The following ZNF721 variants were observed in gnomAD, a reference collection of about 807,000 sequenced individuals.
The protein encoded by ZNF721 is zinc finger protein 721.
A neutral mutation model predicts 2.4 loss-of-function variants in ZNF721; 2 were observed. That is an observed-to-expected ratio of 0.82 (90% confidence interval 0.34 to 2.58). The LOEUF is 2.58. Among genes scored for constraint, ZNF721 ranks in the 30% most tolerant of loss-of-function variants. The probability of loss-of-function intolerance (pLI) is 0.11; values close to 1 mark genes in which losing one functional copy is unlikely to be tolerated. For synonymous variants in ZNF721, 398 were observed against 381.8 expected (o/e 1.04, Z -0.50); for missense variants, 1,187 against 1,085.5 (o/e 1.09, Z -1.31).
chr4:452,058 T>A (rs981568085), intron 2 of ZNF721, among the ~76,000 whole-genome samples: 1 of 152,256 alleles, frequency 6.6e-6, no homozygotes, highest in African/African-American at 2.4e-5. Flanking sequence ...TAGGGACTGG[T>A]TGCTACACGA....
At position 472,592 on chromosome 4, in the gene ZNF721, C is replaced by A. The variant is rs781933321; in HGVS notation, c.17G>T (p.Arg6Ile). 1 of 1,613,552 alleles carries A rather than the reference C, an allele frequency of 6.2e-7. No homozygotes were observed. The highest frequency in any genetic ancestry group is 8.5e-7 in the Non-Finnish European group (1 of 1,179,914). MLENY[R>I]NLVSLAMCSH... ...ATCCTCACCTAGGGAGACCAGGTTT[C>A]TGTAGTTCTCCAACATCACATCTCT... is the stretch of plus-strand genomic sequence containing the variant. Residue 6 changes from arginine (R) to isoleucine (I), a missense_variant, in exon 2 of 3, where the codon AGA becomes ATA. Physicochemically the swap from Arg to Ile is moderately conservative, Grantham distance 97. Transcript: ENST00000511833.
At chr4:474,833 G>A (rs1553868395) in intron 1 of ZNF721, among the ~76,000 whole-genome samples, 2 of 152,048 alleles carry the variant, frequency 1.3e-5, no homozygotes, top group South Asian at 2.1e-4. Context: ...CTGAGATCGC[G>A]CCACTGCACT....
chr4:479,213 C>A (rs183096138), intron 1 of ZNF721, among the ~76,000 whole-genome samples: 1 of 152,150 alleles, frequency 6.6e-6, no homozygotes, highest in Non-Finnish European at 1.5e-5. Flanking sequence ...CACACAGTCA[C>A]GAATGTGTTT....
At chr4:446,965 C>T (rs1412191205) in intron 2 of ZNF721, among the ~76,000 whole-genome samples, 4 of 152,178 alleles carry the variant, frequency 2.6e-5, no homozygotes, top group Non-Finnish European at 4.4e-5. Context: ...GGATTACACA[C>T]GTGAGTCACC....
At chr4:463,456 C>T (rs1035893718) in intron 2 of ZNF721, among the ~76,000 whole-genome samples, 8 of 152,220 alleles carry the variant, frequency 5.3e-5, no homozygotes, top group Middle Eastern at 3.4e-3. Flanking sequence ...CACATGAACA[C>T]GTATTTTTAT....
chr4:441,951 C>T lies in ZNF721; in HGVS notation c.2516G>A (p.Cys839Tyr). 6.2e-7 allele frequency: 1 copy of T among 1,614,104 alleles called. No individual in the cohort carries two copies. ...RIHTGEKPYT[C>Y]EECGKAFRQS... ...TCTAAAGGCTTTGCCACATTCTTCACATGTGTAGGGTTTCTCTCCAGTATG... is the reference window on the plus strand; with the variant it reads ...TCTAAAGGCTTTGCCACATTCTTCATATGTGTAGGGTTTCTCTCCAGTATG... Residue 839 changes from cysteine (C) to tyrosine (Y), a missense_variant, in exon 3 of 3, where the codon TGT becomes TAT. By Grantham distance (194) the Cys-to-Tyr change is radical. Transcript: ENST00000511833.
At chr4:473,184 G>A (rs1715493249) in intron 1 of ZNF721, among the ~76,000 whole-genome samples, 1 of 152,074 alleles carries the variant, frequency 6.6e-6, no homozygotes, top group African/African-American at 2.4e-5. Flanking sequence ...GCTTCAATGC[G>A]CATATCAATT....
In ZNF721 at chr4:440,520, A is replaced by G. The variant is rs781828678; in HGVS notation, c.*1175T>C. The G allele has an allele frequency of 2.0e-5, 3 of 152,210 alleles. No individual in the cohort carries two copies. Among genetic ancestry groups the G allele is most frequent in the Non-Finnish European group, 2.9e-5 (2 of 68,030 alleles). The allele number at this position is 152,210 out of a possible 1,614,324, so 9.4% of individuals were successfully genotyped here. A position where few individuals can be genotyped will look rare whatever the true frequency, so the allele number is the denominator to read the frequency against. On this transcript the variant is annotated 3_prime_UTR_variant, in exon 3 of 3. Coordinates refer to ENST00000511833, the MANE Select transcript of ZNF721 (RefSeq NM_133474.4). Reference sequence around the variant, plus strand: ...TTTGTTATACTTAATACTCTGATTTATTTTAAAGTCTGAAGTGTTAGTTCC... The same window carrying G: ...TTTGTTATACTTAATACTCTGATTTGTTTTAAAGTCTGAAGTGTTAGTTCC...
At chr4:486,554 C>T (rs1236703534) in intron 1 of ZNF721, among the ~76,000 whole-genome samples, 2 of 152,132 alleles carry the variant, frequency 1.3e-5, no homozygotes, top group African/African-American at 4.8e-5. Flanking sequence ...TCAAAGCATA[C>T]TCTGCTGGTC....
Position 444,328 on chromosome 4 carries a change from A to G in ZNF721, c.139T>C (p.Leu47=). ...RRYEKCGHDN[L]QLRKGCKSMN... is the part of the protein sequence containing the mutation. The stretch of plus-strand genomic sequence containing the variant: ...CTTTTACAGCCTTTCCTTAATTGTA[A>G]ATTATCATGCCCACATTTCTCATAT... The change falls in exon 3 of 3, where the codon TTA becomes CTA. Residue 47 remains leucine (L), a synonymous_variant. Transcript: ENST00000511833. 2 of 1,614,118 alleles carry G rather than the reference A, an allele frequency of 1.2e-6. No homozygotes were observed. Among genetic ancestry groups the G allele is most frequent in the Non-Finnish European group, 1.7e-6 (2 of 1,179,984 alleles).
At chr4:457,131 A>T (rs1714872711) in intron 2 of ZNF721, among the ~76,000 whole-genome samples, 3 of 152,230 alleles carry the variant, frequency 2.0e-5, no homozygotes, top group Admixed American at 2.0e-4. Context: ...AGAATGAAGC[A>T]TTTCAATACA....
rs539086252 is a variant in ZNF721 at position 441,241 on chromosome 4, C to T, written c.*454G>A. ...TTCAACAGAAATTACATTTATAATG[C>T]TTTTATTAACTATAAATTTCAAGTA... On this transcript the variant is annotated 3_prime_UTR_variant, in exon 3 of 3. Coordinates refer to ENST00000511833, the MANE Select transcript of ZNF721 (RefSeq NM_133474.4). The T allele has an allele frequency of 6.4e-6, 1 of 156,450 alleles. No individual in the cohort carries two copies. The highest frequency in any genetic ancestry group is 1.4e-5 in the Non-Finnish European group (1 of 70,790). The allele number at this position is 156,450 out of a possible 1,614,324, so 9.7% of individuals were successfully genotyped here. A position where few individuals can be genotyped will look rare whatever the true frequency, so the allele number is the denominator to read the frequency against.
intron 2 of ZNF721, among the ~76,000 whole-genome samples, chr4:444,721 C>G (rs1714415719): frequency 6.6e-6 from 1 of 152,184 alleles, no homozygotes; most frequent in African/African-American, 2.4e-5. Context: ...TCTTCCTCCC[C>G]AATATAGCAC....
rs375921561 is a variant in ZNF721, at chr4:443,529, G to A, written c.938C>T (p.Ala313Val). The A allele has an allele frequency of 6.2e-7, 1 of 1,613,842 alleles. No individual in the cohort carries two copies. The highest frequency in any genetic ancestry group is 1.3e-5 in the African/African-American group (1 of 74,920). Residue 313 changes from alanine (A) to valine (V), a missense_variant, in exon 3 of 3, where the codon GCC (alanine) becomes GTC (valine). Coordinates refer to ENST00000511833, the MANE Select transcript of ZNF721 (RefSeq NM_133474.4). ...KPYTCEVCGK[A>V]FRQSANLYVH... ...ATAAAGGTTTGCGGACTGTCTAAAG[G>A]CTTTGCCACATACTTCACATGTGTA...
rs140871865 is a variant in ZNF721, at chr4:466,251, G to A, written c.34+6324C>T. 2.2e-3 allele frequency among the ~76,000 whole-genome samples: 329 copies of A among 152,260 alleles called. 2 individuals are homozygous for A. Among genetic ancestry groups the A allele is most frequent in the African/African-American group, 7.1e-3 (294 of 41,536 alleles). On this transcript the variant is annotated intron_variant, in intron 2 of 2. Coordinates refer to ENST00000511833, the MANE Select transcript of ZNF721 (RefSeq NM_133474.4). The stretch of plus-strand genomic sequence containing the variant: ...TGCCACCCTGCATGCGTGTGCACTC[G>A]CACACATGCTGTCTTCATGTAATCC...
chr4:494,712 G>C (rs1408250698), intron 1 of ZNF721, among the ~76,000 whole-genome samples: 2 of 151,966 alleles, frequency 1.3e-5, no homozygotes. Context: ...ATTTTTCTTT[G>C]AGCCAAATCA....
At chr4:447,305 G>A (rs1188909174) in intron 2 of ZNF721, among the ~76,000 whole-genome samples, 1 of 151,952 alleles carries the variant, frequency 6.6e-6, no homozygotes, top group Non-Finnish European at 1.5e-5. Context: ...CTGGGTGACT[G>A]AGCAAGACTC....
Position 441,369 on chromosome 4 carries a change from T to C in ZNF721, c.*326A>G, listed in dbSNP as rs1189896546. 5.0e-6 allele frequency: 1 copy of C among 200,290 alleles called. No individual in the cohort carries two copies. The highest frequency in any genetic ancestry group is 2.3e-5 in the African/African-American group (1 of 42,994). The allele number at this position is 200,290 out of a possible 1,614,324, so 12.4% of individuals were successfully genotyped here. ...CATTGGTTACAAGTTTTGCCACATT[T>C]TTTGTATTTCCAGGTGTTTTCTTCA... On this transcript the variant is annotated 3_prime_UTR_variant, in exon 3 of 3. Coordinates refer to ENST00000511833, the MANE Select transcript of ZNF721 (RefSeq NM_133474.4).
intron 1 of ZNF721, among the ~76,000 whole-genome samples, chr4:496,997 C>A (rs968371429): frequency 6.6e-6 from 1 of 151,970 alleles, no homozygotes; most frequent in Non-Finnish European, 1.5e-5. Flanking sequence ...CAGGCGTGAG[C>A]CACCGCGCCC....
Sources: allele counts gnomAD v4.1 joint callset (sites outside exome capture counted in the v4.1 genomes callset), GRCh38; gene constraint gnomAD v4.1.1; transcripts MANE v1.5; gene names NCBI Gene and HGNC (gene_info 2026-07-23, HGNC 2026-07-21).